The following SREK1 variants were observed in gnomAD, a reference collection of about 807,000 sequenced individuals.
The protein encoded by SREK1 is splicing regulatory glutamic acid and lysine rich protein 1.
SREK1 carries 13 observed loss-of-function variants against 66.5 expected under a neutral mutation model. The ratio of observed to expected loss-of-function variants is 0.20; its 90% CI spans 0.13 to 0.31. The LOEUF (loss-of-function observed/expected upper bound fraction) is 0.31. SREK1 is among the 10% of genes least tolerant of loss of function. The pLI, the probability that SREK1 is intolerant of heterozygous loss-of-function variation, is 1.00. For missense variants in SREK1, 607 were observed against 769.6 expected, an observed-to-expected ratio of 0.79 and a Z score of 2.50; for synonymous variants, 265 against 263.5, an observed-to-expected ratio of 1.01 and a Z score of -0.05.
intron 1 of SREK1, 152 bp from the exon 2 acceptor site, chr5:66,153,311 A>T: frequency 1.1e-6 from 1 of 940,082 alleles, no homozygotes; most frequent in Non-Finnish European, 1.5e-6. Context: ...ACTAAGTTTC[A>T]CTGTTTTATG....
intron 9 of SREK1, among the ~76,000 whole-genome samples, chr5:66,172,294 A>G (rs532022544): frequency 6.6e-6 from 1 of 151,980 alleles, no homozygotes; most frequent in African/African-American, 2.4e-5. Flanking sequence ...TTAATAACGA[A>G]TTTACTTTTT....
chr5:66,176,260 C>T (rs1374899327), intron 10 of SREK1, among the ~76,000 whole-genome samples: 1 of 152,104 alleles, frequency 6.6e-6, no homozygotes, highest in East Asian at 1.9e-4. Context: ...ATTTCTGGGT[C>T]TTCTGTGCCC....
In SREK1 at chr5:66,181,267, AG is replaced by A. The variant is rs1472045269; in HGVS notation, c.*2402del. ...TGGGCTTATGGAAGCAAGGCATTCT[AG>A]GGTCTAGAGGGATGTGTGTGTGTGC... is the stretch of plus-strand genomic sequence containing the variant. On this transcript the variant is annotated 3_prime_UTR_variant, in exon 12 of 12. Transcript: ENST00000334121. 2 of 152,098 alleles carry A rather than the reference AG, an allele frequency of 1.3e-5. No homozygotes were observed. Among genetic ancestry groups the A allele is most frequent in the African/African-American group, 4.8e-5 (2 of 41,430 alleles). The allele number at this position is 152,098 out of a possible 1,614,324, so 9.4% of individuals were successfully genotyped here. A position where few individuals can be genotyped will look rare whatever the true frequency, so the allele number is the denominator to read the frequency against.
In SREK1 at chr5:66,183,497, T is replaced by G. The variant is rs1746664265; in HGVS notation, c.*4629T>G. 1 of 152,178 alleles carries G rather than the reference T, an allele frequency of 6.6e-6. No homozygotes were observed. 9.4% of individuals were successfully genotyped at this position (152,178 alleles called of 1,614,324 possible). On this transcript the variant is annotated 3_prime_UTR_variant, in exon 12 of 12. Coordinates refer to ENST00000334121, the MANE Select transcript of SREK1 (RefSeq NM_001077199.3). ...GTTTGGAATGTAAACATAAACATGC[T>G]GCATAGGTGGTGGTTATTTGTGAGT...
At chr5:66,159,129 T>C in intron 2 of SREK1, 90 bp from the exon 3 acceptor site, 1 of 1,471,564 alleles carries the variant, frequency 6.8e-7, no homozygotes. Context: ...ATTATTATTA[T>C]TTTTTAACTG....
rs765588960 is a variant in SREK1, at chr5:66,170,736, C to T, written c.1273C>T (p.Arg425Trp). The change falls in exon 9 of 12, where the codon CGG (arginine) becomes TGG (tryptophan). Residue 425 changes from arginine (R) to tryptophan (W), a missense_variant. By Grantham distance (101) the Arg-to-Trp change is moderately radical. This residue lies in a region of SREK1 where 318 missense variants were observed against 310.3 expected (regional missense o/e 1.02). Coordinates refer to ENST00000334121, the MANE Select transcript of SREK1 (RefSeq NM_001077199.3). ...KDRDKEREKD[R>W]EKDKEKDRER... ...CCGGGACAAGGAACGGGAAAAGGAC[C>T]GGGAAAAAGACAAGGAAAAGGACAG... is the stretch of plus-strand genomic sequence containing the variant. 7.5e-6 allele frequency: 12 copies of T among 1,596,920 alleles called. No individual in the cohort carries two copies. The highest frequency in any genetic ancestry group is 4.5e-5 in the East Asian group (2 of 44,284).
chr5:66,164,425 T>C, intron 6 of SREK1: 1 of 490,250 alleles, frequency 2.0e-6, no homozygotes, highest in South Asian at 2.0e-5. Flanking sequence ...GTGGTTTACA[T>C]TTGAGCAGAT....
chr5:66,164,027 A>G, intron 6 of SREK1, 105 bp downstream of exon 6: 3 of 1,364,644 alleles, frequency 2.2e-6, no homozygotes, highest in South Asian at 1.5e-5. Context: ...CATTTTACAA[A>G]CAAGAAGACT....
intron 2 of SREK1, chr5:66,155,943 C>T: frequency 1.4e-6 from 2 of 1,394,468 alleles, no homozygotes; most frequent in South Asian, 2.6e-5. Context: ...TACGGTCAAA[C>T]ATAACAAGGG....
In SREK1 at chr5:66,144,552, T is replaced by C; in HGVS notation, c.161+15T>C. 6.5e-7 allele frequency: 1 copy of C among 1,545,076 alleles called. No individual in the cohort carries two copies. Among genetic ancestry groups the C allele is most frequent in the Non-Finnish European group, 8.7e-7 (1 of 1,143,570 alleles). ...TACCCCCCGGAGTAAGTGCTGGAGCTCGGCTGGGGGAGGGGCGCGGGCGCC... is the reference window on the plus strand; with the variant it reads ...TACCCCCCGGAGTAAGTGCTGGAGCCCGGCTGGGGGAGGGGCGCGGGCGCC... On this transcript the variant is annotated intron_variant, in intron 1 of 11. Transcript: ENST00000334121.
At chr5:66,156,301 T>G in intron 2 of SREK1, 3 of 1,308,672 alleles carry the variant, frequency 2.3e-6, no homozygotes, top group Non-Finnish European at 2.9e-6. Context: ...TAAATCTCTT[T>G]CACTTTAACT....
intron 8 of SREK1, 120 bp from the exon 9 acceptor site, chr5:66,170,465 A>G (rs563251338): frequency 1.6e-6 from 2 of 1,281,908 alleles, no homozygotes; most frequent in South Asian, 3.0e-5. Context: ...AAAAATGTAT[A>G]TGTAAATGTC....
intron 3 of SREK1, among the ~76,000 whole-genome samples, chr5:66,159,636 A>G (rs1744570197): frequency 6.6e-6 from 1 of 152,170 alleles, no homozygotes; most frequent in Admixed American, 6.5e-5. Flanking sequence ...AGGTAACTGT[A>G]TTTCTCAGTT....
intron 2 of SREK1, chr5:66,158,564 A>G: frequency 4.9e-6 from 1 of 204,350 alleles, no homozygotes; most frequent in Non-Finnish European, 1.0e-5. Context: ...AGTTGATTAC[A>G]TGGAGTAAGT....
At chr5:66,147,095 A>T (rs1307982442) in intron 1 of SREK1, among the ~76,000 whole-genome samples, 1 of 152,090 alleles carries the variant, frequency 6.6e-6, no homozygotes, top group African/African-American at 2.4e-5. Flanking sequence ...GCTAATATGA[A>T]AATTCAGATT....
In SREK1 at chr5:66,144,722, G is replaced by C. The variant is rs1033244586; in HGVS notation, c.161+185G>C. 7.7e-6 allele frequency: 10 copies of C among 1,298,458 alleles called. No homozygotes were observed. The African/African-American group carries it at 1.5e-4, about 20-fold the overall frequency. 80.4% of individuals were successfully genotyped at this position (1,298,458 alleles called of 1,614,324 possible). ...CGTCCTGCTCTCCTTAGTCGGATTTGGGGGGTTAACTACTGCACGGAGCCC... is the reference window on the plus strand; with the variant it reads ...CGTCCTGCTCTCCTTAGTCGGATTTCGGGGGTTAACTACTGCACGGAGCCC... On this transcript the variant is annotated intron_variant, in intron 1 of 11. Coordinates refer to ENST00000334121, the MANE Select transcript of SREK1 (RefSeq NM_001077199.3).
chr5:66,159,432 T>C, intron 3 of SREK1, 98 bp downstream of exon 3: 1 of 662,364 alleles, frequency 1.5e-6, no homozygotes, highest in African/African-American at 2.0e-5. Flanking sequence ...ATCTTCTTCT[T>C]TTTTTTTTTT....
Position 66,144,562 on chromosome 5 carries a change from G to A in SREK1, c.161+25G>A, listed in dbSNP as rs1020366929. 1.9e-6 allele frequency: 3 copies of A among 1,539,374 alleles called. No homozygotes were observed. In the Admixed American group the frequency reaches 6.0e-5, roughly 31 times the overall value. The stretch of plus-strand genomic sequence containing the variant: ...AGTAAGTGCTGGAGCTCGGCTGGGG[G>A]AGGGGCGCGGGCGCCATAGAGACCT... On this transcript the variant is annotated intron_variant, in intron 1 of 11. Transcript: ENST00000334121.
rs772307778 is a variant in SREK1, at chr5:66,144,532, C to G, written c.156C>G (p.Pro52=). The G allele has an allele frequency of 5.8e-6, 9 of 1,551,802 alleles. No individual in the cohort carries two copies. The highest frequency in any genetic ancestry group is 7.0e-6 in the Non-Finnish European group (8 of 1,147,174). The change falls in exon 1 of 12, where the codon CCC becomes CCG. Residue 52 remains proline (P), a synonymous_variant. Transcript: ENST00000334121. The part of the protein sequence containing the change: ...LGEIEELRLY[P]PDNAPLAFSS... ...AAATCGAGGAGCTGCGGCTCTACCC[C>G]CCGGAGTAAGTGCTGGAGCTCGGCT... is the stretch of plus-strand genomic sequence containing the variant.
Sources: allele counts gnomAD v4.1 joint callset (sites outside exome capture counted in the v4.1 genomes callset), GRCh38; gene constraint gnomAD v4.1.1; regional missense constraint gnomAD v4.1.1; transcripts MANE v1.5; gene names NCBI Gene and HGNC (gene_info 2026-07-23, HGNC 2026-07-21).